The following TMEM243 variants were observed in gnomAD, a reference collection of about 807,000 sequenced individuals.
TMEM243 encodes transmembrane protein 243, also known as MDR1 and mitochondrial taxol resistance associated.
Under a neutral mutation model 15.0 loss-of-function variants are expected in TMEM243, and 20 were observed. The observed-to-expected ratio is 1.33, with a 90% CI of 0.94 to 1.93. The LOEUF is 1.93. Ranked by LOEUF, TMEM243 falls within the 30% of genes most tolerant of loss-of-function variation. TMEM243 has a pLI of 0.00. For synonymous variants in TMEM243, 72 were observed against 52.7 expected (o/e 1.37, Z -1.59); for missense variants, 156 against 142.1 (o/e 1.10, Z -0.50).
chr7:87,197,618 C>A, intron 3 of TMEM243: 1 of 783,472 alleles, frequency 1.3e-6, no homozygotes. Context: ...GACTGTTGGC[C>A]CTTACGTAGT....
intron 1 of TMEM243, among the ~76,000 whole-genome samples, chr7:87,210,101 G>A (rs1049264352): frequency 4.0e-5 from 6 of 151,470 alleles, no homozygotes; most frequent in East Asian, 3.9e-4. Context: ...GTGTGGGAGC[G>A]GGGAACTGCC....
In TMEM243 at chr7:87,209,626, GAGAT is replaced by G. The variant is rs771742880; in HGVS notation, c.78+9796_78+9799del. ...AGAGAGAGAGACAGAGAGAGAGACTGAGATAGAGAGCGAGAGAGACAGTGAGAGA... is the reference window on the plus strand; with the variant it reads ...AGAGAGAGAGACAGAGAGAGAGACTGAGAGAGCGAGAGAGACAGTGAGAGA... On this transcript the variant is annotated intron_variant, in intron 1 of 3. Coordinates refer to ENST00000257637, the MANE Select transcript of TMEM243 (RefSeq NM_024315.4). Among the ~76,000 whole-genome samples, 116 of 138,570 alleles carry G rather than the reference GAGAT, an allele frequency of 8.4e-4. 2 individuals carry two copies. The highest frequency in any genetic ancestry group is 2.4e-3 in the African/African-American group (83 of 34,388). The allele number at this position is 138,570 out of a possible 152,430, so 90.9% of individuals were successfully genotyped here.
chr7:87,220,442 G>A (rs1180744480), upstream of TMEM243: 3 of 152,290 alleles, frequency 2.0e-5, no homozygotes, highest in Admixed American at 1.3e-4. Context: ...ACCCCCGCCG[G>A]GATCCGGTGC....
At position 87,208,153 on chromosome 7, in the gene TMEM243, C is replaced by T. The variant is rs188423090; in HGVS notation, c.79-9096G>A. On this transcript the variant is annotated intron_variant, in intron 1 of 3. Coordinates refer to ENST00000257637, the MANE Select transcript of TMEM243 (RefSeq NM_024315.4). Reference sequence around the variant, plus strand: ...TCCTCACATTTCAAAACCAATCATGCCTTTGCAGCAGTCCCTAAAGTCTTA... The same window carrying T: ...TCCTCACATTTCAAAACCAATCATGTCTTTGCAGCAGTCCCTAAAGTCTTA... Among the ~76,000 whole-genome samples, 208 of 152,332 alleles carry T rather than the reference C, an allele frequency of 1.4e-3. 1 individual carries two copies. The highest frequency in any genetic ancestry group is 4.7e-3 in the African/African-American group (196 of 41,570).
At chr7:87,198,162 A>G (rs1801502771) in intron 2 of TMEM243, 117 bp from the exon 3 acceptor site, 1 of 787,548 alleles carries the variant, frequency 1.3e-6, no homozygotes, top group Admixed American at 2.7e-5. Context: ...TACATCTGCC[A>G]CCAAGTTTGC....
At chr7:87,212,658 C>T (rs1288670935) in intron 1 of TMEM243, among the ~76,000 whole-genome samples, 1 of 152,160 alleles carries the variant, frequency 6.6e-6, no homozygotes, top group Non-Finnish European at 1.5e-5. Context: ...AGCACCATTT[C>T]CTGTTTTGAT....
intron 1 of TMEM243, among the ~76,000 whole-genome samples, chr7:87,201,779 C>CT (rs747120168): frequency 2.0e-5 from 3 of 152,186 alleles, no homozygotes; most frequent in Non-Finnish European, 4.4e-5. Flanking sequence ...GAAACTAGCT[C>CT]TGTCTCCTCC....
intron 1 of TMEM243, among the ~76,000 whole-genome samples, chr7:87,209,872 G>A (rs1182822083): frequency 6.9e-6 from 1 of 145,750 alleles, no homozygotes; most frequent in Non-Finnish European, 1.5e-5. Flanking sequence ...GAGAGCAAGA[G>A]ACAGTGAGAG....
chr7:87,217,668 T>C (rs975238920), intron 1 of TMEM243, among the ~76,000 whole-genome samples: 2 of 152,254 alleles, frequency 1.3e-5, no homozygotes, highest in African/African-American at 4.8e-5. Flanking sequence ...CAGGAATTAA[T>C]ATATATTAAC....
chr7:87,212,532 C>G (rs1378143845), intron 1 of TMEM243, among the ~76,000 whole-genome samples: 1 of 152,158 alleles, frequency 6.6e-6, no homozygotes, highest in Non-Finnish European at 1.5e-5. Context: ...TTCTGAGAGA[C>G]CAGACCTCAG....
intron 1 of TMEM243, chr7:87,216,845 C>G (rs1803154399): frequency 6.6e-6 from 1 of 152,238 alleles, no homozygotes; most frequent in African/African-American, 2.4e-5. Flanking sequence ...TAATTACTGA[C>G]TTCACTATTC....
intron 1 of TMEM243, among the ~76,000 whole-genome samples, chr7:87,214,825 G>C (rs1269487961): frequency 6.6e-6 from 1 of 152,172 alleles, no homozygotes; most frequent in East Asian, 1.9e-4. Flanking sequence ...TACATAGTGA[G>C]ATCTTGGGGT....
At chr7:87,217,508 C>T (rs1771047151) in intron 1 of TMEM243, among the ~76,000 whole-genome samples, 1 of 152,234 alleles carries the variant, frequency 6.6e-6, no homozygotes, top group Admixed American at 6.5e-5. Context: ...CCTCTCCTCT[C>T]TCAGATGTGG....
intron 3 of TMEM243, among the ~76,000 whole-genome samples, chr7:87,197,030 G>T (rs927375335): frequency 1.3e-5 from 2 of 152,036 alleles, no homozygotes; most frequent in Non-Finnish European, 2.9e-5. Context: ...AGCTATCCAA[G>T]AACATATACC....
chr7:87,216,416 G>A (rs935711404), intron 1 of TMEM243, among the ~76,000 whole-genome samples: 6 of 152,090 alleles, frequency 3.9e-5, no homozygotes, highest in African/African-American at 1.2e-4. Flanking sequence ...ACTGCACTCC[G>A]ATATGAGTTA....
intron 1 of TMEM243, among the ~76,000 whole-genome samples, chr7:87,201,867 T>G (rs528622958): frequency 6.6e-6 from 1 of 152,210 alleles, no homozygotes; most frequent in Non-Finnish European, 1.5e-5. Flanking sequence ...TACTGTGGCT[T>G]ATTTTCACTC....
intron 1 of TMEM243, 35 bp downstream of exon 1, chr7:87,219,391 C>T (rs750982594): frequency 2.9e-5 from 46 of 1,605,040 alleles, no homozygotes; most frequent in Non-Finnish European, 3.8e-5. Context: ...CAGACACACC[C>T]CCCATCCCAG....
At chr7:87,201,851 A>G (rs988509624) in intron 1 of TMEM243, among the ~76,000 whole-genome samples, 1 of 152,112 alleles carries the variant, frequency 6.6e-6, no homozygotes, top group African/African-American at 2.4e-5. Flanking sequence ...AGAATTTTAA[A>G]CCTTGTACTG....
At chr7:87,200,341 C>G (rs1359715167) in intron 1 of TMEM243, among the ~76,000 whole-genome samples, 1 of 152,156 alleles carries the variant, frequency 6.6e-6, no homozygotes, top group Non-Finnish European at 1.5e-5. Context: ...GGAGCCTGAA[C>G]TTAGGACCAC....
Sources: allele counts gnomAD v4.1 joint callset (sites outside exome capture counted in the v4.1 genomes callset), GRCh38; gene constraint gnomAD v4.1.1; transcripts MANE v1.5; gene names NCBI Gene and HGNC (gene_info 2026-07-23, HGNC 2026-07-21).